The following EXOC4 variants were observed in gnomAD, a reference collection of about 807,000 sequenced individuals.
EXOC4 encodes SEC8-like 1.
Under a neutral mutation model 107.2 loss-of-function variants are expected in EXOC4, and 71 were observed. The ratio of observed to expected loss-of-function variants is 0.66; its 90% CI spans 0.55 to 0.81. The LOEUF (loss-of-function observed/expected upper bound fraction) is 0.81. EXOC4 is among the 30% of genes least tolerant of loss of function. The pLI, the probability that EXOC4 is intolerant of heterozygous loss-of-function variation, is 0.00. For missense variants in EXOC4, 1,108 were observed against 1,189.6 expected (o/e 0.93, Z 1.01); for synonymous variants, 456 against 441.2 (o/e 1.03, Z -0.42).
intron 9 of EXOC4, among the ~76,000 whole-genome samples, chr7:133,506,956 C>G (rs2150893898): frequency 6.6e-6 from 1 of 151,722 alleles, no homozygotes; most frequent in South Asian, 2.1e-4. Context: ...TCTATATATT[C>G]TAGATACAAA....
intron 17 of EXOC4, among the ~76,000 whole-genome samples, chr7:134,031,489 A>G (rs1410475342): frequency 6.6e-6 from 1 of 152,144 alleles, no homozygotes. Context: ...TGGTGATTTT[A>G]GTGTCATTAC....
chr7:133,542,169 T>TTGTC (rs1554469868), intron 9 of EXOC4, among the ~76,000 whole-genome samples: 1 of 147,058 alleles, frequency 6.8e-6, no homozygotes, highest in African/African-American at 2.5e-5. Context: ...AAATTTTATC[T>TTGTC]TGTGTGTGTG....
intron 11 of EXOC4, among the ~76,000 whole-genome samples, chr7:133,888,254 C>T (rs1799129485): frequency 6.6e-6 from 1 of 152,152 alleles, no homozygotes; most frequent in African/African-American, 2.4e-5. Flanking sequence ...TTAGCCAAAA[C>T]CCTGTACCCC....
intron 3 of EXOC4, among the ~76,000 whole-genome samples, chr7:133,302,797 G>A (rs6955665): frequency 0.32 from 49,000 of 151,808 alleles, 9,552 homozygotes; most frequent in African/African-American, 0.55. Flanking sequence ...GTTGCTGTCT[G>A]CATTAATCCA....
chr7:133,998,392 CT>C (rs1486498257), intron 15 of EXOC4, among the ~76,000 whole-genome samples: 1 of 152,134 alleles, frequency 6.6e-6, no homozygotes, highest in African/African-American at 2.4e-5. Flanking sequence ...GGATTCTTTT[CT>C]TTAAGATAAA....
intron 14 of EXOC4, 23 bp from the exon 15 acceptor site, chr7:133,997,469 G>GGT: frequency 6.2e-7 from 1 of 1,611,434 alleles, no homozygotes. Flanking sequence ...TGAAATGATT[G>GGT]GTGTTTTATC....
intron 13 of EXOC4, 57 bp downstream of exon 13, chr7:133,917,795 G>T: frequency 6.7e-7 from 1 of 1,488,874 alleles, no homozygotes; most frequent in South Asian, 1.3e-5. Context: ...CATCTGTTTA[G>T]CTAATATTTT....
At chr7:133,468,807 T>C (rs897087746) in intron 7 of EXOC4, among the ~76,000 whole-genome samples, 1 of 152,186 alleles carries the variant, frequency 6.6e-6, no homozygotes, top group South Asian at 2.1e-4. Context: ...ATTCTTATTT[T>C]TTAGTATTTT....
chr7:133,751,981 C>CTAAATAAA (rs1562982742), intron 10 of EXOC4, among the ~76,000 whole-genome samples: 1 of 76,482 alleles, frequency 1.3e-5, no homozygotes. Flanking sequence ...TATCTCTCTA[C>CTAAATAAA]CAAATAAATA....
Position 133,624,798 on chromosome 7 carries a change from G to A in EXOC4, c.1418-5247G>A, listed in dbSNP as rs1028423282. Among the ~76,000 whole-genome samples, 3 of 151,632 alleles carry A rather than the reference G, an allele frequency of 2.0e-5. No individual in the cohort carries two copies. In the East Asian group the frequency reaches 5.8e-4, roughly 29 times the overall value. ...AGTACAGACAGGGTTTCACCATGTT[G>A]TTCAGGCTGGTCTTGAACTCCTGAC... is the stretch of plus-strand genomic sequence containing the variant. On this transcript the variant is annotated intron_variant, in intron 9 of 17. Coordinates refer to ENST00000253861, the MANE Select transcript of EXOC4 (RefSeq NM_021807.4).
rs1397741118 is a variant in EXOC4 at position 133,338,789 on chromosome 7, C to T, written c.764-17541C>T. 6.3e-5 allele frequency among the ~76,000 whole-genome samples: 8 copies of T among 127,608 alleles called. No homozygotes were observed. The East Asian group carries it at 7.6e-4, about 12-fold the overall frequency. 83.7% of individuals were successfully genotyped at this position (127,608 alleles called of 152,430 possible). A position where few individuals can be genotyped will look rare whatever the true frequency, so the allele number is the denominator to read the frequency against. ...TTTTTTTCAGACAGAGTTTTGCTCT[C>T]GTTGCCCAGGCTGGAGTGCAATGGG... On this transcript the variant is annotated intron_variant, in intron 5 of 17. Transcript: ENST00000253861.
intron 10 of EXOC4, among the ~76,000 whole-genome samples, chr7:133,788,388 A>T (rs1236366888): frequency 6.7e-6 from 1 of 149,688 alleles, no homozygotes; most frequent in Non-Finnish European, 1.5e-5. Context: ...AAACTCATGA[A>T]TTTTTTTTTT....
chr7:133,394,656 T>C (rs1043205103), intron 7 of EXOC4, among the ~76,000 whole-genome samples: 1 of 152,204 alleles, frequency 6.6e-6, no homozygotes, highest in Non-Finnish European at 1.5e-5. Context: ...AGAACCATGC[T>C]AACATCATTG....
At chr7:133,778,311 C>T (rs953118284) in intron 10 of EXOC4, among the ~76,000 whole-genome samples, 9 of 152,254 alleles carry the variant, frequency 5.9e-5, no homozygotes, top group Admixed American at 4.6e-4. Context: ...TAAGACTTCT[C>T]GGGTCAGGCA....
intron 9 of EXOC4, among the ~76,000 whole-genome samples, chr7:133,557,590 G>C (rs559901032): frequency 3.3e-5 from 5 of 152,326 alleles, no homozygotes; most frequent in Admixed American, 2.6e-4. Context: ...TGGAATCACA[G>C]ATGTGTGGTG....
intron 7 of EXOC4, among the ~76,000 whole-genome samples, chr7:133,460,886 A>G (rs745542576): frequency 2.7e-4 from 41 of 152,214 alleles, no homozygotes; most frequent in Non-Finnish European, 5.3e-4. Context: ...TGCTGGTATT[A>G]GATAAAATGC....
At chr7:134,072,224 C>CT in the EXOC4 span, among the ~76,000 whole-genome samples, 1 of 152,178 alleles carries the variant, frequency 6.6e-6, no homozygotes, top group Non-Finnish European at 1.5e-5. Flanking sequence ...GGCAACTTAT[C>CT]TTTTCCTTCT....
chr7:133,747,667 T>C (rs1374288742), intron 10 of EXOC4, among the ~76,000 whole-genome samples: 1 of 152,168 alleles, frequency 6.6e-6, no homozygotes, highest in Non-Finnish European at 1.5e-5. Flanking sequence ...GATGTACCTT[T>C]CTGACCTTGG....
chr7:134,078,785 A>G, the EXOC4 span, among the ~76,000 whole-genome samples: 2 of 152,252 alleles, frequency 1.3e-5, no homozygotes, highest in Admixed American at 1.3e-4. Flanking sequence ...TTGGCAGTTA[A>G]AGAGCAATTC....
Sources: allele counts gnomAD v4.1 joint callset (sites outside exome capture counted in the v4.1 genomes callset), GRCh38; gene constraint gnomAD v4.1.1; transcripts MANE v1.5; gene names NCBI Gene and HGNC (gene_info 2026-07-23, HGNC 2026-07-21).